PLA2G4B: variants seen among roughly 807,000 people sequenced by gnomAD.
PLA2G4B encodes the protein cytosolic phospholipase A2 beta.
Under a neutral mutation model 95.8 loss-of-function variants are expected in PLA2G4B, and 122 were observed. That is an observed-to-expected ratio of 1.27 (90% CI 1.10 to 1.48). The LOEUF (loss-of-function observed/expected upper bound fraction) is 1.48. Among genes scored for constraint, PLA2G4B ranks in the 40% most tolerant of loss-of-function variants. The pLI is 0.00. For missense variants in PLA2G4B, 1,158 were observed against 996.2 expected, an observed-to-expected ratio of 1.16 and a Z score of -2.19; for synonymous variants, 518 against 421.5, an observed-to-expected ratio of 1.23 and a Z score of -2.80.
At chr15:41,842,400 C>T (rs1002727868) in intron 9 of PLA2G4B, 124 bp downstream of exon 9, 1 of 1,545,142 alleles carries the variant, frequency 6.5e-7, no homozygotes, top group African/African-American at 1.4e-5. Flanking sequence ...GGGCCAGGCT[C>T]TTTGGGGAGT....
chr15:41,842,427 T>C, intron 9 of PLA2G4B, 127 bp from the exon 10 acceptor site: 2 of 1,556,190 alleles, frequency 1.3e-6, no homozygotes, highest in South Asian at 1.2e-5. Context: ...TGAGCATCCC[T>C]GCTTCAGGCC....
intron 1 of PLA2G4B, 185 bp downstream of exon 1, chr15:41,839,107 CTGAG>C (rs1211604283): frequency 1.8e-5 from 9 of 501,006 alleles, no homozygotes; most frequent in African/African-American, 1.6e-4. Flanking sequence ...GGGATCCGTC[CTGAG>C]TGTTTTCTGT....
In PLA2G4B at chr15:41,847,710, T is replaced by C. The variant is rs1394402952; in HGVS notation, c.2196T>C (p.Ser732=). The C allele has an allele frequency of 1.2e-6, 2 of 1,613,428 alleles. No homozygotes were observed. Among genetic ancestry groups the C allele is most frequent in the South Asian group, 2.2e-5 (2 of 91,082 alleles). The change falls in exon 20 of 20, where the codon TCT becomes TCC. Residue 732 remains serine, a synonymous_variant. Coordinates refer to ENST00000458483, the MANE Select transcript of PLA2G4B (RefSeq NM_001114633.2). ...AGEVNLSSSD[S]PYHYTKVTYS... is the part of the protein sequence containing the mutation. ...AGGTGAACCTGTCTTCATCGGACTCTCCCTACCACTACACGAAGGTGACCT... is the reference window on the plus strand; with the variant it reads ...AGGTGAACCTGTCTTCATCGGACTCCCCCTACCACTACACGAAGGTGACCT...
At chr15:41,843,891 C>T in intron 11 of PLA2G4B, 80 bp downstream of exon 11, 1 of 1,555,340 alleles carries the variant, frequency 6.4e-7, no homozygotes, top group East Asian at 2.3e-5. Flanking sequence ...AGCTGCTTGT[C>T]CCCGATCTAG....
At chr15:41,847,094 T>C (rs1486310984) in intron 18 of PLA2G4B, among the ~76,000 whole-genome samples, 1 of 152,070 alleles carries the variant, frequency 6.6e-6, no homozygotes, top group African/African-American at 2.4e-5. Flanking sequence ...ACCTGCTGAG[T>C]CTGCTTTGGC....
chr15:41,843,528 G>A (rs2065474881), intron 10 of PLA2G4B, 148 bp from the exon 11 acceptor site: 1 of 1,420,598 alleles, frequency 7.0e-7, no homozygotes, highest in African/African-American at 1.4e-5. Context: ...CTCCCCAGGT[G>A]TCAAACTTCA....
intron 11 of PLA2G4B, 61 bp from the exon 12 acceptor site, chr15:41,844,410 C>T (rs922814562): frequency 9.1e-5 from 146 of 1,610,836 alleles, no homozygotes; most frequent in Non-Finnish European, 1.1e-4. Flanking sequence ...ACCTCTTCTT[C>T]CTGTGACTTG....
chr15:41,845,126 G>A lies in PLA2G4B; in HGVS notation c.1239+56G>A, dbSNP rs113416462. On this transcript the variant is annotated intron_variant, in intron 13 of 19. Coordinates refer to ENST00000458483, the MANE Select transcript of PLA2G4B (RefSeq NM_001114633.2). ...AGGGCAAGGGCTGGAGCTGGGGCTC[G>A]GTGCTGGACAGCAGGGTGGGAAAGG... 1.2e-3 allele frequency: 1,952 copies of A among 1,603,498 alleles called. 19 individuals carry two copies. Among genetic ancestry groups the A allele is most frequent in the South Asian group, 7.2e-3 (654 of 90,362 alleles).
intron 18 of PLA2G4B, 37 bp downstream of exon 18, chr15:41,846,872 G>A (rs1040020359): frequency 3.8e-6 from 6 of 1,580,762 alleles, no homozygotes; most frequent in South Asian, 3.5e-5. Context: ...GGAGGCGGTG[G>A]GTGGCCCCTG....
intron 11 of PLA2G4B, 24 bp downstream of exon 11, chr15:41,843,835 G>A: frequency 6.2e-7 from 1 of 1,611,312 alleles, no homozygotes; most frequent in Non-Finnish European, 8.5e-7. Flanking sequence ...GCTGGATGGG[G>A]TGTCCCCGGG....
chr15:41,842,584 G>C lies in PLA2G4B; in HGVS notation c.736G>C (p.Glu246Gln). The C allele has an allele frequency of 6.2e-7, 1 of 1,607,274 alleles. No individual in the cohort carries two copies. Among genetic ancestry groups the C allele is most frequent in the Non-Finnish European group, 8.5e-7 (1 of 1,178,274 alleles). Residue 246 changes from glutamate to glutamine, a missense_variant, in exon 10 of 20, where the codon GAA becomes CAA. Coordinates refer to ENST00000458483, the MANE Select transcript of PLA2G4B (RefSeq NM_001114633.2). ...CCTGATGAGAGTGGAGCTGAAAAAA[G>C]AAGCAGGGTGAGAGGCCTGGCTGGG... The part of the protein sequence containing the change: ...EPLMRVELKK[E>Q]AGLRELAVRL...
Position 41,840,581 on chromosome 15 carries a change from T to A in PLA2G4B, c.140T>A (p.Leu47His), listed in dbSNP as rs752176942. 1.2e-6 allele frequency: 2 copies of A among 1,613,754 alleles called. No individual in the cohort carries two copies. Among genetic ancestry groups the A allele is most frequent in the Non-Finnish European group, 1.7e-6 (2 of 1,180,010 alleles). ...CTGCCCACGGCCTGCAGCCACAGGC[T>A]CCAGACACGCACGGTCAAGAACAGC... ...LWLPTACSHR[L>H]QTRTVKNSSS... The change falls in exon 3 of 20, where the codon CTC becomes CAC. Residue 47 changes from leucine to histidine, a missense_variant. Physicochemically the swap from Leu to His is moderately conservative, Grantham distance 99. Transcript: ENST00000458483.
At chr15:41,841,595 A>G in intron 7 of PLA2G4B, 24 bp downstream of exon 7, 1 of 1,613,848 alleles carries the variant, frequency 6.2e-7, no homozygotes, top group Non-Finnish European at 8.5e-7. Flanking sequence ...CCACTGGGAC[A>G]GCCCCTGGCT....
intron 11 of PLA2G4B, 69 bp from the exon 12 acceptor site, chr15:41,844,402 C>T (rs1041178683): frequency 2.5e-4 from 397 of 1,609,516 alleles, no homozygotes; most frequent in Non-Finnish European, 3.2e-4. Flanking sequence ...GACCTGCTAC[C>T]TCTTCTTCCT....
Position 41,841,073 on chromosome 15 carries a change from G to T in PLA2G4B, c.370G>T (p.Val124Phe), listed in dbSNP as rs1159520609. Residue 124 changes from valine (V) to phenylalanine (F), a missense_variant, in exon 5 of 20, where the codon GTT becomes TTT. Transcript: ENST00000458483. ...LSPQGEGRLEVEFRLQSLADR... is the reference protein window; with the variant it reads ...LSPQGEGRLEFEFRLQSLADR... ...TTCCCAGGGTGAGGGGCGCCTGGAAGTTGAATTTCGCCTGCAGAGTCTGTG... is the reference window on the plus strand; with the variant it reads ...TTCCCAGGGTGAGGGGCGCCTGGAATTTGAATTTCGCCTGCAGAGTCTGTG... 6.3e-7 allele frequency: 1 copy of T among 1,586,602 alleles called. No individual in the cohort carries two copies. Among genetic ancestry groups the T allele is most frequent in the Non-Finnish European group, 8.6e-7 (1 of 1,163,172 alleles).
At chr15:41,845,915 C>T (rs559406049) in intron 15 of PLA2G4B, 28 bp from the exon 16 acceptor site, 21 of 1,514,574 alleles carry the variant, frequency 1.4e-5, no homozygotes, top group Middle Eastern at 3.8e-4. Flanking sequence ...GAGTCGGGGG[C>T]CCTCTTCCCT....
In PLA2G4B at chr15:41,847,463, G is replaced by T; in HGVS notation, c.2074G>T (p.Ala692Ser). The change falls in exon 19 of 20, where the codon GCC (alanine) becomes TCC (serine). Residue 692 changes from alanine to serine, a missense_variant. Physicochemically the swap from Ala to Ser is moderately conservative, Grantham distance 99. Coordinates refer to ENST00000458483, the MANE Select transcript of PLA2G4B (RefSeq NM_001114633.2). ...CTTCTCCGACCCCACCTGCCCCGGA[G>T]CCCCTGCGGTGCTGCACTTTCCTCT... ...HTFSDPTCPG[A>S]PAVLHFPLVS... is the part of the protein sequence containing the mutation. 3 of 1,613,128 alleles carry T rather than the reference G, an allele frequency of 1.9e-6. No homozygotes were observed. The highest frequency in any genetic ancestry group is 1.3e-5 in the African/African-American group (1 of 75,006).
At chr15:41,844,721 G>A in intron 12 of PLA2G4B, 114 bp downstream of exon 12, 1 of 1,575,624 alleles carries the variant, frequency 6.3e-7, no homozygotes, top group African/African-American at 1.4e-5. Flanking sequence ...GTGCCAGGGA[G>A]AAACGTGCTC....
In PLA2G4B at chr15:41,847,388, C is replaced by T. The variant is rs1380909696; in HGVS notation, c.1999C>T (p.Pro667Ser). The change falls in exon 19 of 20, where the codon CCC becomes TCC. Residue 667 changes from proline (P) to serine (S), a missense_variant. By Grantham distance (74) the Pro-to-Ser change is moderately conservative (BLOSUM62 -1). Coordinates refer to ENST00000458483, the MANE Select transcript of PLA2G4B (RefSeq NM_001114633.2). Reference protein sequence around the residue: ...FCQEQGIPFPPISPSPEEQLQ... With the variant: ...FCQEQGIPFPSISPSPEEQLQ... Reference sequence around the variant, plus strand: ...CCAGGAGCAGGGGATCCCGTTCCCACCCATCTCGCCCAGCCCCGAAGAGCA... The same window carrying T: ...CCAGGAGCAGGGGATCCCGTTCCCATCCATCTCGCCCAGCCCCGAAGAGCA... 1.2e-6 allele frequency: 2 copies of T among 1,612,244 alleles called. No individual in the cohort carries two copies. The highest frequency in any genetic ancestry group is 1.1e-5 in the South Asian group (1 of 91,072).
Sources: gnomAD v4.1 joint callset for allele counts (sites outside exome capture counted in the v4.1 genomes callset) on GRCh38, gnomAD v4.1.1 for gene constraint, MANE v1.5 for transcripts, NCBI Gene and HGNC (gene_info 2026-07-23, HGNC 2026-07-21) for gene names.